Variants in MFNG observed in about 807,000 individuals in gnomAD.
MFNG encodes beta-1,3-N-acetylglucosaminyltransferase manic fringe.
A neutral mutation model predicts 34.2 loss-of-function variants in MFNG; 24 were observed. The ratio of observed to expected loss-of-function variants is 0.70; its 90% CI spans 0.51 to 0.99. The LOEUF is 0.99. Ranked by LOEUF, MFNG falls within the 50% of genes least tolerant of loss-of-function variation. MFNG has a pLI of 0.00. For missense variants in MFNG, 383 were observed against 424.0 expected (o/e 0.90, Z 0.85); for synonymous variants, 158 against 179.2 (o/e 0.88, Z 0.94).
rs1442751581 is a variant in MFNG, at chr22:37,485,900, G to A, written c.255+23C>T. 6.2e-7 allele frequency: 1 copy of A among 1,602,776 alleles called. No individual in the cohort carries two copies. The highest frequency in any genetic ancestry group is 8.5e-7 in the Non-Finnish European group (1 of 1,172,550). On this transcript the variant is annotated intron_variant, in intron 1 of 7. Coordinates refer to ENST00000356998, the MANE Select transcript of MFNG (RefSeq NM_002405.4). This position sits in a 1 kb window ranked among gnomAD's most constrained non-coding sequence, Gnocchi z 5.3. ...CCTTAGGCCAGGGGCCACCCCCAGG[G>A]CCCAATGTCACCCACTTGTCACCTG...
Position 37,486,183 on chromosome 22 carries a change from G to A in MFNG, c.-6C>T. ...CGCGGGAGCCGGCACTGCATTGGTT[G>A]GCCCTGGGACCCCAGACAGCTCAGC... is the stretch of plus-strand genomic sequence containing the variant. On this transcript the variant is annotated 5_prime_UTR_variant, in exon 1 of 8. Transcript: ENST00000356998. 1 of 1,553,816 alleles carries A rather than the reference G, an allele frequency of 6.4e-7. No homozygotes were observed. The highest frequency in any genetic ancestry group is 8.7e-7 in the Non-Finnish European group (1 of 1,148,538).
At chr22:37,471,028 C>T (rs908714725) in intron 7 of MFNG, among the ~76,000 whole-genome samples, 1 of 152,170 alleles carries the variant, frequency 6.6e-6, no homozygotes, top group Non-Finnish European at 1.5e-5. Context: ...CGGCCAGCCC[C>T]TACTCCCCAG....
In MFNG at chr22:37,477,095, G is replaced by T. The variant is rs1317274887; in HGVS notation, c.562-114C>A. On this transcript the variant is annotated intron_variant, in intron 4 of 7. Transcript: ENST00000356998. ...GCATGGCTCAAAAGCCCTTTATTTTGAATCTCACTAGAGTCTTGCTACAAC... is the reference window on the plus strand; with the variant it reads ...GCATGGCTCAAAAGCCCTTTATTTTTAATCTCACTAGAGTCTTGCTACAAC... 1.6e-5 allele frequency: 13 copies of T among 831,748 alleles called. No homozygotes were observed. The Admixed American group carries it at 2.7e-4, about 18-fold the overall frequency. 51.5% of individuals were successfully genotyped at this position (831,748 alleles called of 1,614,324 possible).
At chr22:37,470,212 A>G (rs1163462231) in intron 7 of MFNG, among the ~76,000 whole-genome samples, 183 bp from the exon 8 acceptor site, 2 of 152,172 alleles carry the variant, frequency 1.3e-5, no homozygotes, top group East Asian at 3.8e-4. Flanking sequence ...GAGATATTTA[A>G]CAGCATTCCT....
chr22:37,480,886 C>CTGG, intron 1 of MFNG, 117 bp from the exon 2 acceptor site: 1 of 844,132 alleles, frequency 1.2e-6, no homozygotes. Flanking sequence ...GTGACAGACA[C>CTGG]ACCCCTCTCA....
chr22:37,472,348 C>T, intron 7 of MFNG, 95 bp downstream of exon 7: 1 of 916,902 alleles, frequency 1.1e-6, no homozygotes, highest in African/African-American at 1.7e-5. Context: ...GCCACCAAAG[C>T]CTGTCCCACT....
rs146946250 is a variant in MFNG, at chr22:37,475,385, G to A, written c.648-708C>T. ...ACTACAGGCACCCGCTGCCATGCCCGGCTAATCTTTGTATTTTTAGTAGAG... is the reference window on the plus strand; with the variant it reads ...ACTACAGGCACCCGCTGCCATGCCCAGCTAATCTTTGTATTTTTAGTAGAG... On this transcript the variant is annotated intron_variant, in intron 5 of 7. Coordinates refer to ENST00000356998, the MANE Select transcript of MFNG (RefSeq NM_002405.4). 9.9e-3 allele frequency among the ~76,000 whole-genome samples: 1,498 copies of A among 152,080 alleles called. 34 individuals are homozygous for A. The highest frequency in any genetic ancestry group is 0.034 in the African/African-American group (1,426 of 41,434).
rs770415355 is a variant in MFNG at position 37,485,926 on chromosome 22, T to C, written c.252A>G (p.Glu84=). The C allele has an allele frequency of 1.2e-6, 2 of 1,612,504 alleles. No homozygotes were observed. The highest frequency in any genetic ancestry group is 1.7e-6 in the Non-Finnish European group (2 of 1,179,058). The change falls in exon 1 of 8, where the codon GAA becomes GAG. Residue 84 remains glutamate (E), a synonymous_variant. Coordinates refer to ENST00000356998, the MANE Select transcript of MFNG (RefSeq NM_002405.4). This position sits in a 1 kb window ranked among gnomAD's most constrained non-coding sequence, Gnocchi z 5.3. Reference sequence around the variant, plus strand: ...CCCAATGTCACCCACTTGTCACCTGTTCCCTGGTCCTGGAAACCCACGTGT... The same window carrying C: ...CCCAATGTCACCCACTTGTCACCTGCTCCCTGGTCCTGGAAACCCACGTGT... ...LLDTWVSRTR[E]QTFVFTDSPD...
chr22:37,486,253 G>T lies in MFNG; in HGVS notation c.-76C>A. Reference sequence around the variant, plus strand: ...AGGGAGGGGAAGCTGGTCAGGCAGGGGCTCCAGCAGAGGCAAAAGTCTGGC... The same window carrying T: ...AGGGAGGGGAAGCTGGTCAGGCAGGTGCTCCAGCAGAGGCAAAAGTCTGGC... On this transcript the variant is annotated 5_prime_UTR_variant, in exon 1 of 8. Transcript: ENST00000356998. 1 of 1,417,614 alleles carries T rather than the reference G, an allele frequency of 7.1e-7. No individual in the cohort carries two copies. Among genetic ancestry groups the T allele is most frequent in the South Asian group, 1.5e-5 (1 of 67,180 alleles). 87.8% of individuals were successfully genotyped at this position (1,417,614 alleles called of 1,614,324 possible). A position where few individuals can be genotyped will look rare whatever the true frequency, so the allele number is the denominator to read the frequency against.
At chr22:37,473,704 G>A (rs998038545) in intron 6 of MFNG, among the ~76,000 whole-genome samples, 3 of 152,154 alleles carry the variant, frequency 2.0e-5, no homozygotes, top group African/African-American at 4.8e-5. Context: ...GGAAGGAGGC[G>A]CTCTCCTCCG....
chr22:37,481,653 C>T (rs919416144), intron 1 of MFNG, among the ~76,000 whole-genome samples: 3 of 152,206 alleles, frequency 2.0e-5, no homozygotes, highest in Admixed American at 6.5e-5. Context: ...CTCAGCTGCC[C>T]AAGTGGGTCC....
chr22:37,478,781 C>A (rs1362676709), intron 4 of MFNG, among the ~76,000 whole-genome samples: 1 of 152,126 alleles, frequency 6.6e-6, no homozygotes, highest in Non-Finnish European at 1.5e-5. Context: ...TGGGTTCAAG[C>A]GATTCTCCTC....
chr22:37,474,537 A>AGGGACCT lies in MFNG; in HGVS notation c.787_788insAGGTCCC (p.Leu263GlnfsTer20). 6.2e-7 allele frequency: 1 copy of AGGGACCT among 1,614,022 alleles called. No individual in the cohort carries two copies. Reference sequence around the variant, plus strand: ...CTGTTCTGGGAGCTGTGCAGTCCTCAGCAGCTGCAGGGTCTCCAGGTGGGA... The same window carrying AGGGACCT: ...CTGTTCTGGGAGCTGTGCAGTCCTCAGGGACCTGCAGCTGCAGGGTCTCCAGGTGGGA... On this transcript the variant is annotated frameshift_variant, in exon 6 of 8. Coordinates refer to ENST00000356998, the MANE Select transcript of MFNG (RefSeq NM_002405.4). LOFTEE classifies it high-confidence loss of function.
In MFNG at chr22:37,470,016, G is replaced by C. The variant is rs1046538002; in HGVS notation, c.913C>G (p.His305Asp). 3 of 1,607,760 alleles carry C rather than the reference G, an allele frequency of 1.9e-6. No individual in the cohort carries two copies. Among genetic ancestry groups the C allele is most frequent in the Admixed American group, 3.4e-5 (2 of 59,396 alleles). The stretch of plus-strand genomic sequence containing the variant: ...GGTGTATCTGGATAGAGCAGACAAT[G>C]GAGGGAGCGAAATCTGCAGAGAGAC... ...EEDPSRFRSL[H>D]CLLYPDTPWC... Residue 305 changes from histidine to aspartate, a missense_variant, in exon 8 of 8, where the codon CAT (histidine) becomes GAT (aspartate). By Grantham distance (81) the His-to-Asp change is moderately conservative. Transcript: ENST00000356998.
chr22:37,480,399 G>T, intron 2 of MFNG, 100 bp from the exon 3 acceptor site: 1 of 928,908 alleles, frequency 1.1e-6, no homozygotes, highest in Non-Finnish European at 1.7e-6. Flanking sequence ...GGAGTCTGGA[G>T]CAGCCCACCC....
rs1369488635 is a variant in MFNG at position 37,483,885 on chromosome 22, G to A, written c.255+2038C>T. ...CACAGGAGAGGGCAGTGAGGCTGGC[G>A]CTTTCAGTCCCTGGGAATCCTAAGG... On this transcript the variant is annotated intron_variant, in intron 1 of 7. Transcript: ENST00000356998. This position sits in a 1 kb window ranked among gnomAD's most constrained non-coding sequence, Gnocchi z 4.5. Among the ~76,000 whole-genome samples the A allele has an allele frequency of 2.6e-5, 4 of 152,222 alleles. No homozygotes were observed. Among genetic ancestry groups the A allele is most frequent in the Non-Finnish European group, 5.9e-5 (4 of 68,040 alleles).
chr22:37,478,701 C>T (rs1388783422), intron 4 of MFNG, among the ~76,000 whole-genome samples: 7 of 150,920 alleles, frequency 4.6e-5, no homozygotes, highest in African/African-American at 1.7e-4. Flanking sequence ...GACGGAGGGA[C>T]GGAGTCTCGC....
chr22:37,469,599 G>A lies in MFNG; in HGVS notation c.*364C>T. 1 of 373,630 alleles carries A rather than the reference G, an allele frequency of 2.7e-6. No homozygotes were observed. The highest frequency in any genetic ancestry group is 6.6e-5 in the East Asian group (1 of 15,054). 23.1% of individuals were successfully genotyped at this position (373,630 alleles called of 1,614,324 possible). A position where few individuals can be genotyped will look rare whatever the true frequency, so the allele number is the denominator to read the frequency against. On this transcript the variant is annotated 3_prime_UTR_variant, in exon 8 of 8. Coordinates refer to ENST00000356998, the MANE Select transcript of MFNG (RefSeq NM_002405.4). Reference sequence around the variant, plus strand: ...GGGAATGACTGAGAGACATTAGCCAGGGCCAACGGCCAGACCCCACCCAGA... The same window carrying A: ...GGGAATGACTGAGAGACATTAGCCAAGGCCAACGGCCAGACCCCACCCAGA...
At chr22:37,478,552 C>A (rs1922140494) in intron 4 of MFNG, among the ~76,000 whole-genome samples, 1 of 152,048 alleles carries the variant, frequency 6.6e-6, no homozygotes. Context: ...TGCCAGGTGT[C>A]GACTCTTCAG....
Sources: gnomAD v4.1 joint callset for allele counts (sites outside exome capture counted in the v4.1 genomes callset) on GRCh38, gnomAD v4.1.1 for gene constraint, Gnocchi (gnomAD v3.1) non-coding constraint, MANE v1.5 for transcripts, NCBI Gene and HGNC (gene_info 2026-07-23, HGNC 2026-07-21) for gene names.